The following ARHGEF18 variants were observed in gnomAD, a reference collection of about 807,000 sequenced individuals.
The protein encoded by ARHGEF18 is rho guanine nucleotide exchange factor 18.
ARHGEF18 carries 93 observed loss-of-function variants against 155.7 expected under a neutral mutation model. The observed-to-expected ratio is 0.60, with a 90% CI of 0.50 to 0.71. The LOEUF (loss-of-function observed/expected upper bound fraction) is 0.71, where lower values mean the gene tolerates loss of function less well. Among genes scored for constraint, ARHGEF18 ranks in the 30% least tolerant of loss-of-function variants. The pLI is 0.00. For missense variants in ARHGEF18, 1,593 were observed against 1,816.1 expected, an observed-to-expected ratio of 0.88 and a Z score of 2.23; for synonymous variants, 742 against 753.1, an observed-to-expected ratio of 0.99 and a Z score of 0.24.
downstream of ARHGEF18, chr19:7,473,098 A>G (rs1977114939): frequency 2.2e-6 from 1 of 456,246 alleles, no homozygotes; most frequent in Non-Finnish European, 4.4e-6. Context: ...AATAACCGCA[A>G]AGGCTGGAAC....
At chr19:7,467,823 A>G (rs1267512342) in intron 26 of ARHGEF18, 139 bp downstream of exon 26, 2 of 849,848 alleles carry the variant, frequency 2.4e-6, no homozygotes, top group Non-Finnish European at 3.4e-6. Flanking sequence ...ATACCCTTGC[A>G]TTAACAGCTC....
chr19:7,393,348 G>A (rs1281236549), intron 10 of ARHGEF18, among the ~76,000 whole-genome samples: 2 of 152,156 alleles, frequency 1.3e-5, no homozygotes, highest in Non-Finnish European at 2.9e-5. Flanking sequence ...TATTGTGCAT[G>A]TTTTGAAGTG....
At chr19:7,466,381 C>CAAAAAAAAAA (rs3030730) in intron 23 of ARHGEF18, among the ~76,000 whole-genome samples, 6 of 98,540 alleles carry the variant, frequency 6.1e-5, no homozygotes, top group African/African-American at 2.1e-4. Context: ...AACTCCATCT[C>CAAAAAAAAAA]AAAAAAAAAA....
chr19:7,466,817 A>AAAAAAGTT, intron 23 of ARHGEF18, 101 bp from the exon 24 acceptor site: 1 of 1,098,352 alleles, frequency 9.1e-7, no homozygotes, highest in East Asian at 2.5e-5. Flanking sequence ...AAAAAAAAAA[A>AAAAAAGTT]AAAAAAAAAG....
intron 10 of ARHGEF18, among the ~76,000 whole-genome samples, chr19:7,407,459 ACTT>A (rs972547561): frequency 8.6e-5 from 13 of 150,940 alleles, no homozygotes; most frequent in Admixed American, 7.3e-4. Flanking sequence ...CCTCTTTGCT[ACTT>A]GTTTGTGGCC....
chr19:7,423,300 C>T (rs1181003171), intron 10 of ARHGEF18, among the ~76,000 whole-genome samples: 1 of 152,082 alleles, frequency 6.6e-6, no homozygotes, highest in Non-Finnish European at 1.5e-5. Context: ...GCTCTGTTCT[C>T]AGATTCTTGA....
chr19:7,456,249 T>A (rs1479700532), intron 17 of ARHGEF18, 78 bp from the exon 18 acceptor site: 26 of 1,295,132 alleles, frequency 2.0e-5, no homozygotes, highest in South Asian at 1.7e-4. Context: ...TCCTGGGAAG[T>A]GGCATCCGCG....
chr19:7,465,773 G>T (rs1265517423), intron 23 of ARHGEF18, among the ~76,000 whole-genome samples: 1 of 151,946 alleles, frequency 6.6e-6, no homozygotes. Context: ...ACCACATGTC[G>T]ACAAAATATT....
At chr19:7,375,987 G>A (rs1970443303) in intron 4 of ARHGEF18, 117 bp downstream of exon 4, 3 of 1,128,746 alleles carry the variant, frequency 2.7e-6, no homozygotes, top group South Asian at 4.6e-5. Flanking sequence ...CCATGGCAGG[G>A]TGGAGGCTGC....
At chr19:7,466,770 C>G in intron 23 of ARHGEF18, 148 bp from the exon 24 acceptor site, 1 of 822,696 alleles carries the variant, frequency 1.2e-6, no homozygotes, top group East Asian at 2.7e-5. Flanking sequence ...CGCCACTGCA[C>G]TCCAGCTTGG....
intron 3 of ARHGEF18, among the ~76,000 whole-genome samples, chr19:7,374,857 T>C (rs1600222228): frequency 1.3e-5 from 2 of 152,168 alleles, no homozygotes; most frequent in African/African-American, 2.4e-5. Context: ...CATGCAGTTA[T>C]GATCAGAACG....
At chr19:7,427,519 C>T (rs1446197696) in intron 10 of ARHGEF18, among the ~76,000 whole-genome samples, 1 of 149,300 alleles carries the variant, frequency 6.7e-6, no homozygotes, top group Non-Finnish European at 1.5e-5. Context: ...GGAGTGTCTG[C>T]CTGTAGTTCC....
Position 7,385,767 on chromosome 19 carries a change from C to T in ARHGEF18, c.967+2564C>T, listed in dbSNP as rs570863106. On this transcript the variant is annotated intron_variant, in intron 10 of 28. Coordinates refer to ENST00000668164, the MANE Select transcript of ARHGEF18 (RefSeq NM_001367823.1). ...CTGGGATTACAGGCGTGAGCCACCG[C>T]GCCTGGCCTGTCACCTGGGAACTTT... 5.3e-5 allele frequency among the ~76,000 whole-genome samples: 8 copies of T among 151,768 alleles called. No homozygotes were observed. In the South Asian group the frequency reaches 1.5e-3, roughly 28 times the overall value.
intron 1 of ARHGEF18, among the ~76,000 whole-genome samples, chr19:7,350,766 GGGTGTGTGT>G (rs1969136157): frequency 0.046 from 293 of 6,436 alleles, 4 homozygotes; most frequent in Non-Finnish European, 0.048. Context: ...TTTTTGGGGT[GGGTGTGTGT>G]GTGTGTGTGT....
intron 2 of ARHGEF18, among the ~76,000 whole-genome samples, chr19:7,367,352 C>T (rs1268561182): frequency 1.3e-5 from 2 of 152,074 alleles, no homozygotes; most frequent in Non-Finnish European, 2.9e-5. Flanking sequence ...GTCTGTAATT[C>T]CAGCACTTTG....
At chr19:7,442,538 C>CTCTGTCTTTG (rs1404343094) in intron 13 of ARHGEF18, among the ~76,000 whole-genome samples, 2 of 152,096 alleles carry the variant, frequency 1.3e-5, no homozygotes, top group African/African-American at 4.8e-5. Flanking sequence ...CCTGGCCTCT[C>CTCTGTCTTTG]TCTGTCTTTC....
intron 1 of ARHGEF18, among the ~76,000 whole-genome samples, chr19:7,361,251 C>T (rs72486370): frequency 0.04 from 6,046 of 152,196 alleles, 355 homozygotes; most frequent in African/African-American, 0.13. Context: ...GCCTGGCCAA[C>T]GTAGCAAGAC....
At chr19:7,417,757 C>T (rs1183467859) in intron 10 of ARHGEF18, among the ~76,000 whole-genome samples, 1 of 151,952 alleles carries the variant, frequency 6.6e-6, no homozygotes, top group Admixed American at 6.6e-5. Context: ...CCACGGGGGC[C>T]CAGTGGGATG....
At chr19:7,416,836 C>G (rs1973056080) in intron 10 of ARHGEF18, among the ~76,000 whole-genome samples, 1 of 151,884 alleles carries the variant, frequency 6.6e-6, no homozygotes, top group African/African-American at 2.4e-5. Context: ...ATCTCCTGAC[C>G]TCATGATCCG....
Sources: gnomAD v4.1 joint callset for allele counts (sites outside exome capture counted in the v4.1 genomes callset) on GRCh38, gnomAD v4.1.1 for gene constraint, MANE v1.5 for transcripts, NCBI Gene and HGNC (gene_info 2026-07-23, HGNC 2026-07-21) for gene names.